The following ZMYM2 variants were observed in gnomAD, a reference collection of about 807,000 sequenced individuals.
ZMYM2 encodes zinc finger MYM-type containing 2.
Under a neutral mutation model 162.8 loss-of-function variants are expected in ZMYM2, and 56 were observed. The observed-to-expected ratio is 0.34, with a 90% CI of 0.28 to 0.43. The LOEUF (loss-of-function observed/expected upper bound fraction) is 0.43. ZMYM2 is among the 20% of genes least tolerant of loss of function. The probability of loss-of-function intolerance (pLI) is 1.00; values close to 1 mark genes in which losing one functional copy is unlikely to be tolerated. For missense variants in ZMYM2, 1,275 were observed against 1,621.8 expected, an observed-to-expected ratio of 0.79 and a Z score of 3.67; for synonymous variants, 510 against 541.6, an observed-to-expected ratio of 0.94 and a Z score of 0.81.
chr13:19,979,365 C>A (rs1380951149), intron 2 of ZMYM2, among the ~76,000 whole-genome samples: 1 of 148,262 alleles, frequency 6.7e-6, no homozygotes, highest in African/African-American at 2.5e-5. Context: ...TTCCCCCAGT[C>A]TTTATAGATC....
the ZMYM2 span, among the ~76,000 whole-genome samples, chr13:19,897,422 C>A: frequency 6.6e-6 from 1 of 151,984 alleles, no homozygotes; most frequent in Non-Finnish European, 1.5e-5. Context: ...TAAGGACATG[C>A]AGAGGATAAA....
chr13:19,915,189 G>A, the ZMYM2 span, among the ~76,000 whole-genome samples: 2 of 152,098 alleles, frequency 1.3e-5, no homozygotes, highest in East Asian at 1.9e-4. Flanking sequence ...TCGAACTCCC[G>A]ACCTCAGGTG....
Position 20,058,686 on chromosome 13 carries a change from A to G in ZMYM2, c.2605A>G (p.Thr869Ala), listed in dbSNP as rs750098230. 3.1e-6 allele frequency: 5 copies of G among 1,613,532 alleles called. No individual in the cohort carries two copies. In the African/African-American group the frequency reaches 4.0e-5, roughly 13 times the overall value. The change falls in exon 15 of 25, where the codon ACC (threonine) becomes GCC (alanine). Residue 869 changes from threonine (T) to alanine (A), a missense_variant. Transcript: ENST00000610343. ...TACTTACTGTAAACCTCACATGCAG[A>G]CCAAATCTTGTCAGACAGGTAACTT... ...KATYCKPHMQTKSCQTDDTWR... is the reference protein window; with the variant it reads ...KATYCKPHMQAKSCQTDDTWR...
At chr13:20,061,693 A>G (rs1956247714) in intron 17 of ZMYM2, among the ~76,000 whole-genome samples, 1 of 151,808 alleles carries the variant, frequency 6.6e-6, no homozygotes, top group African/African-American at 2.4e-5. Context: ...GGTTCAAGCT[A>G]TGCTTCTGCC....
At chr13:19,883,652 T>G in the ZMYM2 span, among the ~76,000 whole-genome samples, 1 of 152,226 alleles carries the variant, frequency 6.6e-6, no homozygotes, top group Non-Finnish European at 1.5e-5. Flanking sequence ...TTTCAATTTC[T>G]GAGTGCTTTA....
At chr13:20,084,273 A>G (rs930225869) in intron 24 of ZMYM2, among the ~76,000 whole-genome samples, 5 of 152,194 alleles carry the variant, frequency 3.3e-5, no homozygotes, top group Admixed American at 3.3e-4. Context: ...TCAGCCTCCC[A>G]AAGTGCTGGA....
Position 20,006,543 on chromosome 13 carries a change from A to G in ZMYM2, c.1469A>G (p.Gln490Arg), listed in dbSNP as rs1950759316. The G allele has an allele frequency of 6.2e-6, 10 of 1,613,918 alleles. No homozygotes were observed. Among genetic ancestry groups the G allele is most frequent in the Non-Finnish European group, 8.5e-6 (10 of 1,179,856 alleles). The change falls in exon 6 of 25, where the codon CAG becomes CGG. Residue 490 changes from glutamine (Q) to arginine (R), a missense_variant. Transcript: ENST00000610343. ...GNNVLVIDGQ[Q>R]KRFCCQSCVS... is the part of the protein sequence containing the mutation. ...AATGTTCTGGTGATTGATGGTCAAC[A>G]GAAAAGATTTTGCTGTCAAAGTTGT... is the stretch of plus-strand genomic sequence containing the variant.
the ZMYM2 span, among the ~76,000 whole-genome samples, chr13:19,881,973 CTG>C: frequency 8.3e-4 from 66 of 79,186 alleles, no homozygotes; most frequent in South Asian, 3.5e-3. Context: ...GAGTGAGACT[CTG>C]TATCCAAAAA....
chr13:19,958,218 C>T (rs559115112), upstream of ZMYM2, among the ~76,000 whole-genome samples: 116 of 152,266 alleles, frequency 7.6e-4, 1 homozygote, highest in African/African-American at 2.7e-3. Flanking sequence ...CCTCGCCCCT[C>T]GCAGGGGCCT....
chr13:20,055,572 T>C (rs1293501958), intron 14 of ZMYM2, among the ~76,000 whole-genome samples: 1 of 152,238 alleles, frequency 6.6e-6, no homozygotes, highest in Non-Finnish European at 1.5e-5. Flanking sequence ...AGCTGTGATG[T>C]ACCTTATGGA....
chr13:20,032,533 C>T (rs1404088550), intron 10 of ZMYM2, among the ~76,000 whole-genome samples: 2 of 147,486 alleles, frequency 1.4e-5, no homozygotes, highest in Non-Finnish European at 3.0e-5. Context: ...GTTGGTGAGT[C>T]ATTCAGTAAC....
At chr13:19,965,967 A>G (rs942182398) in intron 2 of ZMYM2, among the ~76,000 whole-genome samples, 1 of 151,232 alleles carries the variant, frequency 6.6e-6, no homozygotes, top group African/African-American at 2.4e-5. Context: ...TTTAATAGAG[A>G]CAGGGTTTCA....
the ZMYM2 span, among the ~76,000 whole-genome samples, chr13:19,913,988 T>G: frequency 6.6e-6 from 1 of 152,152 alleles, no homozygotes; most frequent in Non-Finnish European, 1.5e-5. Context: ...GTAAAGAACT[T>G]CCAGTGGGCA....
At chr13:19,915,276 A>T in the ZMYM2 span, among the ~76,000 whole-genome samples, 5 of 151,464 alleles carry the variant, frequency 3.3e-5, no homozygotes, top group African/African-American at 1.2e-4. Context: ...AAAAAATTTT[A>T]AAAGAGATAG....
At chr13:19,914,684 C>A in the ZMYM2 span, among the ~76,000 whole-genome samples, 1 of 152,188 alleles carries the variant, frequency 6.6e-6, no homozygotes, top group East Asian at 1.9e-4. Context: ...TCTTATCCAC[C>A]ACCATGGTAT....
intron 7 of ZMYM2, chr13:20,019,826 T>C: frequency 1.9e-6 from 1 of 538,090 alleles, no homozygotes; most frequent in South Asian, 2.5e-5. Flanking sequence ...GATATGCTCA[T>C]TTGTCTTTAG....
intron 10 of ZMYM2, among the ~76,000 whole-genome samples, chr13:20,032,599 CTTTTTTTTTT>C (rs57294389): frequency 3.3e-4 from 22 of 66,036 alleles, no homozygotes; most frequent in Admixed American, 7.9e-4. Flanking sequence ...TTTTTTCTGT[CTTTTTTTTTT>C]TTTTTTTTTT....
the ZMYM2 span, chr13:19,864,269 C>G: frequency 1.3e-5 from 2 of 154,892 alleles, no homozygotes; most frequent in Admixed American, 6.5e-5. Context: ...CGCCGCGCCC[C>G]GTGGGGAATA....
At chr13:19,916,808 A>G in the ZMYM2 span, among the ~76,000 whole-genome samples, 73 of 152,290 alleles carry the variant, frequency 4.8e-4, no homozygotes, top group Non-Finnish European at 7.2e-4. Context: ...GCATGTATAC[A>G]TATGTAACAA....
Sources: gnomAD v4.1 joint callset for allele counts (sites outside exome capture counted in the v4.1 genomes callset) on GRCh38, gnomAD v4.1.1 for gene constraint, MANE v1.5 for transcripts, NCBI Gene and HGNC (gene_info 2026-07-23, HGNC 2026-07-21) for gene names.